FSTL4: variants seen among roughly 807,000 people sequenced by gnomAD.
The protein encoded by FSTL4 is follistatin-related protein 4.
In FSTL4, 28 loss-of-function variants were observed where a neutral mutation model predicts 78.2. The ratio of observed to expected loss-of-function variants is 0.36; its 90% CI spans 0.27 to 0.49. FSTL4 has a LOEUF of 0.49. FSTL4 is among the 20% of genes least tolerant of loss of function. FSTL4 has a pLI of 0.98. For synonymous variants in FSTL4, 422 were observed against 440.5 expected (o/e 0.96, Z 0.53); for missense variants, 922 against 1,084.9 (o/e 0.85, Z 2.11).
intron 3 of FSTL4, among the ~76,000 whole-genome samples, chr5:133,487,062 T>G (rs1461439342): frequency 2.0e-5 from 3 of 152,182 alleles, no homozygotes; most frequent in Non-Finnish European, 4.4e-5. Context: ...TGCCAGCAGC[T>G]GTATCTGGGG....
At chr5:133,383,666 A>C (rs62374566) in intron 4 of FSTL4, among the ~76,000 whole-genome samples, 6,782 of 152,302 alleles carry the variant, frequency 0.045, 265 homozygotes, top group East Asian at 0.18. Context: ...CTGCCTTATT[A>C]AGAGGCGGGT....
chr5:133,427,727 G>A (rs1225984230), intron 3 of FSTL4: 1 of 508,336 alleles, frequency 2.0e-6, no homozygotes, highest in Admixed American at 2.0e-5. Flanking sequence ...TTACAAAGCT[G>A]TGGTCTTAGA....
chr5:133,728,660 G>A, the FSTL4 span, among the ~76,000 whole-genome samples: 3 of 150,748 alleles, frequency 2.0e-5, no homozygotes, highest in Non-Finnish European at 4.4e-5. Flanking sequence ...CCTCAATGTG[G>A]TACATTTCTC....
the FSTL4 span, among the ~76,000 whole-genome samples, chr5:133,683,308 A>G: frequency 6.6e-6 from 1 of 152,252 alleles, no homozygotes; most frequent in Non-Finnish European, 1.5e-5. Flanking sequence ...TAATTGCAGA[A>G]ATAAATAAAA....
the FSTL4 span, among the ~76,000 whole-genome samples, chr5:133,837,084 C>T: frequency 2.6e-5 from 4 of 152,030 alleles, no homozygotes; most frequent in Non-Finnish European, 5.9e-5. Flanking sequence ...CATTTTACCA[C>T]CTCACATATT....
intron 4 of FSTL4, among the ~76,000 whole-genome samples, chr5:133,333,005 G>T (rs1427441297): frequency 6.6e-6 from 1 of 151,152 alleles, no homozygotes; most frequent in Non-Finnish European, 1.5e-5. Flanking sequence ...CTCTCTCTCT[G>T]TCTCTCTCTC....
the FSTL4 span, among the ~76,000 whole-genome samples, chr5:133,782,154 A>G: frequency 6.6e-6 from 1 of 152,280 alleles, no homozygotes; most frequent in Non-Finnish European, 1.5e-5. Flanking sequence ...GAAGCAATGT[A>G]AATGGCCAAC....
intron 3 of FSTL4, among the ~76,000 whole-genome samples, chr5:133,423,832 T>C (rs1024615328): frequency 6.6e-5 from 10 of 152,154 alleles, no homozygotes; most frequent in African/African-American, 2.4e-4. Flanking sequence ...CATACATAAC[T>C]GAGTATAACT....
intron 4 of FSTL4, among the ~76,000 whole-genome samples, chr5:133,393,376 T>C (rs759396089): frequency 1.3e-5 from 2 of 152,202 alleles, no homozygotes; most frequent in Non-Finnish European, 2.9e-5. Flanking sequence ...GTTCTGATCA[T>C]ACTGGTATCC....
chr5:133,683,153 A>G, the FSTL4 span, among the ~76,000 whole-genome samples: 2 of 152,158 alleles, frequency 1.3e-5, no homozygotes, highest in African/African-American at 4.8e-5. Context: ...GCAGATCGGC[A>G]AGGTTTGCAT....
chr5:133,679,327 C>T, the FSTL4 span, among the ~76,000 whole-genome samples: 3 of 152,178 alleles, frequency 2.0e-5, no homozygotes, highest in Non-Finnish European at 4.4e-5. Flanking sequence ...CCACCCTTAT[C>T]ATTTAGGGAC....
chr5:133,357,359 C>T (rs1009212897), intron 4 of FSTL4, among the ~76,000 whole-genome samples: 1 of 152,152 alleles, frequency 6.6e-6, no homozygotes, highest in Non-Finnish European at 1.5e-5. Flanking sequence ...CTCTCTTCTG[C>T]CCCCAAGGCA....
At chr5:133,775,624 G>A in the FSTL4 span, among the ~76,000 whole-genome samples, 1 of 152,150 alleles carries the variant, frequency 6.6e-6, no homozygotes, top group East Asian at 1.9e-4. Flanking sequence ...ATATTTATAA[G>A]ATCAAGCCTG....
intron 2 of FSTL4, among the ~76,000 whole-genome samples, chr5:133,582,500 A>G (rs1196316744): frequency 6.6e-6 from 1 of 152,208 alleles, no homozygotes; most frequent in East Asian, 1.9e-4. Flanking sequence ...TCAGCATAGC[A>G]CCCAGCCTGA....
At chr5:133,483,672 T>C (rs979091023) in intron 3 of FSTL4, among the ~76,000 whole-genome samples, 4 of 152,180 alleles carry the variant, frequency 2.6e-5, no homozygotes, top group African/African-American at 7.2e-5. Flanking sequence ...TCATGATAAG[T>C]CTTTGTGTTT....
intron 4 of FSTL4, among the ~76,000 whole-genome samples, chr5:133,385,431 C>T (rs2126956274): frequency 6.6e-6 from 1 of 152,320 alleles, no homozygotes; most frequent in African/African-American, 2.4e-5. Flanking sequence ...GTGATGTACA[C>T]TAGAGAAGCT....
intron 5 of FSTL4, among the ~76,000 whole-genome samples, chr5:133,314,481 G>A (rs1753857127): frequency 1.3e-5 from 2 of 152,126 alleles, no homozygotes; most frequent in East Asian, 3.9e-4. Flanking sequence ...TGGCTGGGAC[G>A]GAGGGCCTAT....
At chr5:133,590,855 C>G (rs1760608887) in intron 2 of FSTL4, among the ~76,000 whole-genome samples, 1 of 152,158 alleles carries the variant, frequency 6.6e-6, no homozygotes, top group African/African-American at 2.4e-5. Flanking sequence ...TTTGCAAAGG[C>G]CTCCTTGCTG....
At chr5:133,321,100 C>G (rs563279979) in intron 4 of FSTL4, among the ~76,000 whole-genome samples, 2 of 152,198 alleles carry the variant, frequency 1.3e-5, no homozygotes, top group East Asian at 3.9e-4. Flanking sequence ...CCAGTCAGCC[C>G]TGCCCACCTG....
Sources: gnomAD v4.1 joint callset for allele counts (sites outside exome capture counted in the v4.1 genomes callset) on GRCh38, gnomAD v4.1.1 for gene constraint, MANE v1.5 for transcripts, NCBI Gene and HGNC (gene_info 2026-07-23, HGNC 2026-07-21) for gene names.